KIF16B: variants seen among roughly 807,000 people sequenced by gnomAD.
KIF16B encodes the protein kinesin-like protein KIF16B.
KIF16B carries 98 observed loss-of-function variants against 156.3 expected under a neutral mutation model. The ratio of observed to expected loss-of-function variants is 0.63; its 90% CI spans 0.53 to 0.74. KIF16B has a LOEUF of 0.74. Among genes scored for constraint, KIF16B ranks in the 30% least tolerant of loss-of-function variants. The probability of loss-of-function intolerance (pLI) is 0.00; values close to 1 mark genes in which losing one functional copy is unlikely to be tolerated. For synonymous variants in KIF16B, 564 were observed against 583.7 expected, an observed-to-expected ratio of 0.97 and a Z score of 0.49; for missense variants, 1,421 against 1,606.5, an observed-to-expected ratio of 0.88 and a Z score of 1.97.
intron 10 of KIF16B, among the ~76,000 whole-genome samples, chr20:16,501,770 C>A (rs983449086): frequency 3.9e-5 from 6 of 152,036 alleles, no homozygotes; most frequent in African/African-American, 1.4e-4. Flanking sequence ...TTCATTATTT[C>A]ATTTATATAA....
At chr20:16,357,676 A>G (rs2123164094) in intron 22 of KIF16B, among the ~76,000 whole-genome samples, 1 of 152,314 alleles carries the variant, frequency 6.6e-6, no homozygotes, top group South Asian at 2.1e-4. Context: ...GTGTCAACTT[A>G]GCTGTGTGCA....
At chr20:16,368,490 G>A in intron 22 of KIF16B, 1 of 986,282 alleles carries the variant, frequency 1.0e-6, no homozygotes, top group Non-Finnish European at 1.2e-6. Flanking sequence ...GCCCCCTCGG[G>A]GCACACAGAT....
At chr20:16,544,099 C>T (rs2147247977) in intron 1 of KIF16B, among the ~76,000 whole-genome samples, 1 of 152,268 alleles carries the variant, frequency 6.6e-6, no homozygotes, top group Admixed American at 6.5e-5. Context: ...TCATCAAATG[C>T]ATCAGGCACT....
chr20:16,277,729 A>C (rs2063084810), intron 25 of KIF16B, among the ~76,000 whole-genome samples: 1 of 152,164 alleles, frequency 6.6e-6, no homozygotes, highest in Non-Finnish European at 1.5e-5. Flanking sequence ...GCGAAAACTG[A>C]AGGATATTAG....
At chr20:16,539,358 A>G (rs1294724581) in intron 1 of KIF16B, among the ~76,000 whole-genome samples, 1 of 152,242 alleles carries the variant, frequency 6.6e-6, no homozygotes, top group African/African-American at 2.4e-5. Flanking sequence ...GGTGGAAATC[A>G]GGAAGTTACT....
intron 25 of KIF16B, among the ~76,000 whole-genome samples, chr20:16,308,659 G>A (rs1216503523): frequency 2.0e-5 from 3 of 152,188 alleles, no homozygotes; most frequent in Admixed American, 2.0e-4. Flanking sequence ...TGTATGACAG[G>A]ATATCATAAG....
intron 15 of KIF16B, among the ~76,000 whole-genome samples, chr20:16,425,578 C>T (rs1278776420): frequency 1.3e-5 from 2 of 151,972 alleles, no homozygotes; most frequent in Non-Finnish European, 2.9e-5. Flanking sequence ...TATCAAAGTA[C>T]CTTCAATCTC....
At chr20:16,467,390 A>T (rs1030287582) in intron 12 of KIF16B, among the ~76,000 whole-genome samples, 2 of 152,176 alleles carry the variant, frequency 1.3e-5, no homozygotes, top group Non-Finnish European at 2.9e-5. Flanking sequence ...AAACACTTAC[A>T]AGGCAAACTA....
At chr20:16,369,634 A>G (rs2064768648) in intron 22 of KIF16B, among the ~76,000 whole-genome samples, 2 of 152,246 alleles carry the variant, frequency 1.3e-5, no homozygotes. Flanking sequence ...GTCCATGATC[A>G]TATGTCCAAA....
At chr20:16,328,843 T>A (rs1345818228) in intron 24 of KIF16B, among the ~76,000 whole-genome samples, 1 of 152,120 alleles carries the variant, frequency 6.6e-6, no homozygotes, top group Non-Finnish European at 1.5e-5. Flanking sequence ...CCTCAGGTAC[T>A]AATCCCATTT....
intron 15 of KIF16B, among the ~76,000 whole-genome samples, chr20:16,425,822 AAAG>A (rs2066337114): frequency 6.6e-6 from 1 of 152,134 alleles, no homozygotes; most frequent in Non-Finnish European, 1.5e-5. Context: ...ACACTTCTAT[AAAG>A]AATACCTGAG....
intron 12 of KIF16B, among the ~76,000 whole-genome samples, chr20:16,473,567 G>A (rs1348508551): frequency 6.6e-6 from 1 of 152,152 alleles, no homozygotes; most frequent in African/African-American, 2.4e-5. Flanking sequence ...AGTATAGGAA[G>A]GACGCTGGAC....
chr20:16,535,666 T>C (rs527707280), intron 1 of KIF16B, among the ~76,000 whole-genome samples: 27 of 152,152 alleles, frequency 1.8e-4, no homozygotes, highest in Admixed American at 1.6e-3. Flanking sequence ...ACTAATCCTA[T>C]TAAAAATGGG....
intron 12 of KIF16B, among the ~76,000 whole-genome samples, chr20:16,478,823 G>A (rs910661648): frequency 2.6e-5 from 4 of 152,124 alleles, no homozygotes; most frequent in Admixed American, 2.6e-4. Context: ...ATATGTTTAT[G>A]CATAGTATAC....
intron 17 of KIF16B, among the ~76,000 whole-genome samples, chr20:16,396,319 G>A (rs1361811397): frequency 6.6e-6 from 1 of 152,070 alleles, no homozygotes; most frequent in East Asian, 1.9e-4. Flanking sequence ...TGAAAAAACT[G>A]TCTTCCACGA....
chr20:16,343,519 A>T (rs539725906), intron 23 of KIF16B, among the ~76,000 whole-genome samples: 10 of 152,314 alleles, frequency 6.6e-5, no homozygotes, highest in South Asian at 6.2e-4. Flanking sequence ...GCATATTTTT[A>T]AAAAAATCTT....
chr20:16,398,750 G>A (rs949335435), intron 17 of KIF16B, among the ~76,000 whole-genome samples: 13 of 152,138 alleles, frequency 8.5e-5, no homozygotes, highest in South Asian at 4.1e-4. Context: ...AGCCAATTGC[G>A]GAAGGAAAAA....
chr20:16,401,648 C>T (rs2065659147), intron 17 of KIF16B, among the ~76,000 whole-genome samples: 1 of 152,314 alleles, frequency 6.6e-6, no homozygotes, highest in African/African-American at 2.4e-5. Flanking sequence ...AGGAAGTATA[C>T]ATAAGCAGAG....
chr20:16,320,514 G>C (rs2063758216), intron 24 of KIF16B, among the ~76,000 whole-genome samples: 1 of 152,102 alleles, frequency 6.6e-6, no homozygotes, highest in South Asian at 2.1e-4. Flanking sequence ...TGCAGAACAA[G>C]CACAATAAAA....
Sources: gnomAD v4.1 joint callset for allele counts (sites outside exome capture counted in the v4.1 genomes callset) on GRCh38, gnomAD v4.1.1 for gene constraint, MANE v1.5 for transcripts, NCBI Gene and HGNC (gene_info 2026-07-23, HGNC 2026-07-21) for gene names.